Variants in NAV3 observed in about 807,000 individuals in gnomAD.
NAV3 encodes neuron navigator 3, also known as pore membrane and/or filament interacting like protein 1.
Under a neutral mutation model 244.7 loss-of-function variants are expected in NAV3, and 87 were observed. That is an observed-to-expected ratio of 0.36 (90% confidence interval 0.30 to 0.42). NAV3 has a LOEUF of 0.42. Among genes scored for constraint, NAV3 ranks in the 20% least tolerant of loss-of-function variants. NAV3 has a pLI of 1.00. For missense variants in NAV3, 2,663 were observed against 2,893.3 expected (o/e 0.92, Z 1.83); for synonymous variants, 1,126 against 1,042.2 (o/e 1.08, Z -1.55).
At chr12:77,973,942 C>A (rs1251553372) in intron 5 of NAV3, among the ~76,000 whole-genome samples, 2 of 150,290 alleles carry the variant, frequency 1.3e-5, no homozygotes, top group South Asian at 2.1e-4. Flanking sequence ...TTACTTAAAG[C>A]AGGATTTTTT....
At chr12:77,802,665 A>G (rs1170033808) in intron 2 of NAV3, among the ~76,000 whole-genome samples, 1 of 151,930 alleles carries the variant, frequency 6.6e-6, no homozygotes, top group Non-Finnish European at 1.5e-5. Context: ...TTTTCCACCT[A>G]GCTTTTTTTC....
At chr12:78,133,974 T>C (rs1327014996) in intron 18 of NAV3, among the ~76,000 whole-genome samples, 4 of 152,166 alleles carry the variant, frequency 2.6e-5, no homozygotes, top group Admixed American at 2.6e-4. Context: ...GTGAGACTCA[T>C]TGTCATGCCT....
chr12:78,030,053 T>G (rs1221826353), intron 9 of NAV3, among the ~76,000 whole-genome samples: 6 of 152,174 alleles, frequency 3.9e-5, no homozygotes, highest in Non-Finnish European at 7.4e-5. Flanking sequence ...AAGATGCATA[T>G]GAAACATAGG....
At chr12:78,062,021 T>C (rs1566078963) in intron 12 of NAV3, among the ~76,000 whole-genome samples, 1 of 152,128 alleles carries the variant, frequency 6.6e-6, no homozygotes, top group Non-Finnish European at 1.5e-5. Flanking sequence ...AAGTCTTTCA[T>C]AGCAATTTTT....
At position 78,148,831 on chromosome 12, in the gene NAV3, A is replaced by G; in HGVS notation, c.4708-11A>G. 6.2e-7 allele frequency: 1 copy of G among 1,608,890 alleles called. No individual in the cohort carries two copies. Among genetic ancestry groups the G allele is most frequent in the Non-Finnish European group, 8.5e-7 (1 of 1,177,594 alleles). On this transcript the variant is annotated splice_polypyrimidine_tract_variant and intron_variant, in intron 21 of 39. Coordinates refer to ENST00000397909, the MANE Select transcript of NAV3 (RefSeq NM_001024383.2). ...CTTGCCTATTCCATTGATTTTTTTAATTGCATTCAGCAAATCCATAAACTG... is the reference window on the plus strand; with the variant it reads ...CTTGCCTATTCCATTGATTTTTTTAGTTGCATTCAGCAAATCCATAAACTG...
intron 2 of NAV3, among the ~76,000 whole-genome samples, chr12:77,792,206 T>A (rs144055187): frequency 3.9e-5 from 6 of 152,342 alleles, no homozygotes; most frequent in African/African-American, 1.4e-4. Flanking sequence ...TTTGGAATGC[T>A]GTATCCTCCT....
At chr12:77,851,480 G>C (rs1592780493) in intron 1 of NAV3, among the ~76,000 whole-genome samples, 1 of 152,060 alleles carries the variant, frequency 6.6e-6, no homozygotes, top group East Asian at 1.9e-4. Context: ...AAACACTTTT[G>C]TGCTCAATGA....
intron 35 of NAV3, 122 bp from the exon 36 acceptor site, chr12:78,198,483 T>A (rs1487539494): frequency 1.9e-6 from 1 of 535,656 alleles, no homozygotes; most frequent in Non-Finnish European, 3.2e-6. Flanking sequence ...GAATTACCCT[T>A]TAAAAGACAA....
chr12:77,919,826 A>T (rs1887532281), intron 1 of NAV3, among the ~76,000 whole-genome samples: 1 of 151,984 alleles, frequency 6.6e-6, no homozygotes, highest in African/African-American at 2.4e-5. Flanking sequence ...TTAAAGGGAC[A>T]CTATTTATTT....
At chr12:78,014,193 T>A (rs1875792828) in intron 8 of NAV3, among the ~76,000 whole-genome samples, 1 of 152,008 alleles carries the variant, frequency 6.6e-6, no homozygotes, top group African/African-American at 2.4e-5. Context: ...AACAAAGTTT[T>A]GAAATAATGC....
chr12:78,081,803 A>G (rs300476), intron 12 of NAV3, among the ~76,000 whole-genome samples: 27,467 of 152,096 alleles, frequency 0.18, 2,536 homozygotes, highest in South Asian at 0.23. Context: ...TTCCCCGGGC[A>G]GCTCACACTG....
At chr12:77,646,640 A>G (rs533256320) in intron 2 of NAV3, among the ~76,000 whole-genome samples, 233 of 152,176 alleles carry the variant, frequency 1.5e-3, no homozygotes, top group Non-Finnish European at 2.4e-3. Flanking sequence ...ATACTCTCAG[A>G]GGTGGAAGAA....
intron 2 of NAV3, among the ~76,000 whole-genome samples, chr12:77,750,978 T>C (rs571223949): frequency 2.1e-4 from 32 of 152,320 alleles, no homozygotes; most frequent in African/African-American, 7.7e-4. Flanking sequence ...TATAGATTCC[T>C]GCAGTCTCAC....
At chr12:78,091,737 A>T (rs934397207) in intron 12 of NAV3, 1 of 140,228 alleles carries the variant, frequency 7.1e-6, no homozygotes, top group East Asian at 2.1e-4. Context: ...CGGAGCTTGC[A>T]GTGAGCCGAG....
intron 2 of NAV3, among the ~76,000 whole-genome samples, chr12:77,638,908 G>A (rs574879155): frequency 6.6e-6 from 1 of 152,232 alleles, no homozygotes; most frequent in South Asian, 2.1e-4. Context: ...CATTCTGTAG[G>A]AAGGATGCAG....
intron 18 of NAV3, 52 bp downstream of exon 18, chr12:78,128,918 T>C (rs1443122740): frequency 3.9e-6 from 6 of 1,546,644 alleles, no homozygotes; most frequent in Non-Finnish European, 2.7e-6. Context: ...CCACCCACTC[T>C]CACAGAAACC....
chr12:77,601,257 C>T (rs1008176851), intron 2 of NAV3, among the ~76,000 whole-genome samples: 1 of 151,850 alleles, frequency 6.6e-6, no homozygotes, highest in Non-Finnish European at 1.5e-5. Context: ...TGATGAGTGG[C>T]AGAGTTAGGA....
intron 2 of NAV3, among the ~76,000 whole-genome samples, chr12:77,653,892 G>A (rs913782746): frequency 6.6e-6 from 1 of 151,930 alleles, no homozygotes; most frequent in Non-Finnish European, 1.5e-5. Flanking sequence ...GACAAGTAAT[G>A]AAAAAAATTC....
At chr12:78,165,757 G>GT (rs1957755014) in intron 23 of NAV3, among the ~76,000 whole-genome samples, 1 of 151,678 alleles carries the variant, frequency 6.6e-6, no homozygotes, top group Admixed American at 6.6e-5. Context: ...AAATGTCTAT[G>GT]TATCAGTTAA....
Sources: gnomAD v4.1 joint callset for allele counts (sites outside exome capture counted in the v4.1 genomes callset) on GRCh38, gnomAD v4.1.1 for gene constraint, MANE v1.5 for transcripts, NCBI Gene and HGNC (gene_info 2026-07-23, HGNC 2026-07-21) for gene names.